RAD23B: variants seen among roughly 807,000 people sequenced by gnomAD.
RAD23B encodes the protein RAD23 nucleotide excision repair protein B, also known as lysine-specific demethylase RAD23B.
In RAD23B, 5 loss-of-function variants were observed where a neutral mutation model predicts 49.1. The observed-to-expected ratio is 0.10, with a 90% confidence interval of 0.05 to 0.21. RAD23B has a LOEUF of 0.21. Ranked by LOEUF, RAD23B falls within the 10% of genes least tolerant of loss-of-function variation. RAD23B has a pLI of 1.00. For synonymous variants in RAD23B, 184 were observed against 165.4 expected, an observed-to-expected ratio of 1.11 and a Z score of -0.86; for missense variants, 356 against 486.7, an observed-to-expected ratio of 0.73 and a Z score of 2.53.
At chr9:107,325,155 A>G in intron 9 of RAD23B, 151 bp downstream of exon 9, 1 of 570,646 alleles carries the variant, frequency 1.8e-6, no homozygotes, top group South Asian at 2.0e-5. Context: ...TCTCTACTAA[A>G]AATACAAAAA....
At chr9:107,314,157 A>T (rs1378697995) in intron 5 of RAD23B, among the ~76,000 whole-genome samples, 1 of 152,196 alleles carries the variant, frequency 6.6e-6, no homozygotes, top group Admixed American at 6.5e-5. Context: ...TTCTTTTAAT[A>T]GTTCCTCATG....
At chr9:107,321,127 G>A (rs898896409) in intron 6 of RAD23B, among the ~76,000 whole-genome samples, 2 of 152,076 alleles carry the variant, frequency 1.3e-5, no homozygotes, top group Non-Finnish European at 2.9e-5. Flanking sequence ...AACTTTAAAA[G>A]ATAAGTACTA....
At chr9:107,287,698 G>A (rs558980208) in intron 1 of RAD23B, among the ~76,000 whole-genome samples, 90 of 152,158 alleles carry the variant, frequency 5.9e-4, no homozygotes, top group Non-Finnish European at 1.1e-3. Flanking sequence ...GCTGGGCATG[G>A]TGGTGCATGC....
At chr9:107,317,273 G>T (rs555464629) in intron 5 of RAD23B, among the ~76,000 whole-genome samples, 1 of 152,230 alleles carries the variant, frequency 6.6e-6, no homozygotes, top group South Asian at 2.1e-4. Context: ...GTAATTTAGA[G>T]ATAGGACCTA....
At chr9:107,324,705 T>A in intron 8 of RAD23B, 129 bp from the exon 9 acceptor site, 1 of 917,520 alleles carries the variant, frequency 1.1e-6, no homozygotes, top group Non-Finnish European at 1.5e-6. Flanking sequence ...AAAGACTGAA[T>A]AATCCAGAAT....
At chr9:107,283,951 C>T (rs1326187193) in intron 1 of RAD23B, 3 of 1,118,112 alleles carry the variant, frequency 2.7e-6, no homozygotes, top group Non-Finnish European at 2.2e-6. Flanking sequence ...AGCGCACGCC[C>T]GCGGGCCTGG....
At chr9:107,301,990 GAA>G in intron 2 of RAD23B, 43 bp from the exon 3 acceptor site, 1 of 1,592,902 alleles carries the variant, frequency 6.3e-7, no homozygotes, top group Non-Finnish European at 8.5e-7. Flanking sequence ...AAGTGTAAGA[GAA>G]AGATTATGCC....
chr9:107,295,155 A>G (rs983246484), intron 1 of RAD23B, among the ~76,000 whole-genome samples: 1 of 152,176 alleles, frequency 6.6e-6, no homozygotes, highest in Non-Finnish European at 1.5e-5. Flanking sequence ...TTATCAGCAC[A>G]GTATTGCTCT....
At chr9:107,291,014 T>G (rs1833374386) in intron 1 of RAD23B, among the ~76,000 whole-genome samples, 1 of 152,200 alleles carries the variant, frequency 6.6e-6, no homozygotes, top group Non-Finnish European at 1.5e-5. Flanking sequence ...TTTTATAGTG[T>G]CACGAAAGCT....
At chr9:107,294,769 C>G (rs1370563776) in intron 1 of RAD23B, among the ~76,000 whole-genome samples, 2 of 152,020 alleles carry the variant, frequency 1.3e-5, no homozygotes, top group Non-Finnish European at 2.9e-5. Flanking sequence ...GAGAGCTGGG[C>G]TAGAAATACA....
chr9:107,288,176 T>A (rs767615232), intron 1 of RAD23B, among the ~76,000 whole-genome samples: 13 of 152,124 alleles, frequency 8.5e-5, no homozygotes, highest in Non-Finnish European at 1.6e-4. Context: ...TTAGTAAAGA[T>A]CTTTGAATGA....
At chr9:107,286,174 T>C (rs988924725) in intron 1 of RAD23B, among the ~76,000 whole-genome samples, 4 of 152,308 alleles carry the variant, frequency 2.6e-5, no homozygotes, top group African/African-American at 9.6e-5. Flanking sequence ...ATAGCAACTC[T>C]TGTGAGCTTG....
intron 1 of RAD23B, among the ~76,000 whole-genome samples, chr9:107,289,684 T>G (rs1833344971): frequency 6.6e-6 from 1 of 152,198 alleles, no homozygotes; most frequent in Non-Finnish European, 1.5e-5. Flanking sequence ...GCTGTACCAC[T>G]TGCTGTGTCA....
At chr9:107,306,953 C>A (rs1376867490) in intron 4 of RAD23B, among the ~76,000 whole-genome samples, 1 of 151,198 alleles carries the variant, frequency 6.6e-6, no homozygotes. Flanking sequence ...ATACAAATAA[C>A]CAAAATGAAT....
rs1474498020 is a variant in RAD23B, at chr9:107,327,270, C to G, written c.1116+2266C>G. On this transcript the variant is annotated intron_variant, in intron 9 of 9. Coordinates refer to ENST00000358015, the MANE Select transcript of RAD23B (RefSeq NM_002874.5). ...TCTTTTGTTTTGTTTTGTTTTAAGT[C>G]TCTCTAATGTTTATTTCCCTCTTGC... 2.0e-5 allele frequency among the ~76,000 whole-genome samples: 3 copies of G among 151,892 alleles called. No homozygotes were observed. In the East Asian group the frequency reaches 5.8e-4, roughly 29 times the overall value.
rs4987204 is a variant in RAD23B at position 107,318,660 on chromosome 9, T to C, written c.554-92T>C. Reference sequence around the variant, plus strand: ...ATCTTTGTATTCCCAGCATAGTAGTTCCTGAAATGTTGTATACATGAATCA... The same window carrying C: ...ATCTTTGTATTCCCAGCATAGTAGTCCCTGAAATGTTGTATACATGAATCA... On this transcript the variant is annotated intron_variant, in intron 5 of 9. Transcript: ENST00000358015. This position sits in a 1 kb window ranked among gnomAD's most constrained non-coding sequence, Gnocchi z 4.3. 2 of 1,324,856 alleles carry C rather than the reference T, an allele frequency of 1.5e-6. No homozygotes were observed. Among genetic ancestry groups the C allele is most frequent in the South Asian group, 2.8e-5 (2 of 72,654 alleles). The allele number at this position is 1,324,856 out of a possible 1,614,324, so 82.1% of individuals were successfully genotyped here.
chr9:107,313,562 G>C (rs996055541), intron 5 of RAD23B, among the ~76,000 whole-genome samples: 2 of 152,098 alleles, frequency 1.3e-5, no homozygotes, highest in African/African-American at 4.8e-5. Context: ...TTAAATGTAT[G>C]AGTTTTCTAT....
chr9:107,324,049 T>C (rs768915352), intron 8 of RAD23B, 32 bp downstream of exon 8: 2 of 1,605,456 alleles, frequency 1.2e-6, no homozygotes, highest in Admixed American at 3.3e-5. Context: ...CACAAGTGAT[T>C]TAGAGTGTGT....
chr9:107,320,246 G>C (rs1034052981), intron 6 of RAD23B, among the ~76,000 whole-genome samples: 1 of 152,140 alleles, frequency 6.6e-6, no homozygotes, highest in Non-Finnish European at 1.5e-5. Context: ...AGTTTATCCA[G>C]TTTGTTTGGA....
Sources: allele counts gnomAD v4.1 joint callset (sites outside exome capture counted in the v4.1 genomes callset), GRCh38; gene constraint gnomAD v4.1.1; non-coding constraint Gnocchi (gnomAD v3.1); transcripts MANE v1.5; gene names NCBI Gene and HGNC (gene_info 2026-07-23, HGNC 2026-07-21).